Variants in BACH2 observed in about 807,000 individuals in gnomAD.
The protein encoded by BACH2 is BACH transcriptional regulator 2.
Under a neutral mutation model 61.8 loss-of-function variants are expected in BACH2, and 5 were observed. That is an observed-to-expected ratio of 0.08 (90% CI 0.04 to 0.17). The LOEUF (loss-of-function observed/expected upper bound fraction) is 0.17, where lower values mean the gene tolerates loss of function less well. Among genes scored for constraint, BACH2 ranks in the 10% least tolerant of loss-of-function variants. BACH2 has a pLI of 1.00. For missense variants in BACH2, 824 were observed against 1,091.1 expected (o/e 0.76, Z 3.45); for synonymous variants, 446 against 440.1 (o/e 1.01, Z -0.17).
At chr6:90,197,490 T>A (rs969757346) in intron 4 of BACH2, among the ~76,000 whole-genome samples, 1 of 152,230 alleles carries the variant, frequency 6.6e-6, no homozygotes, top group Non-Finnish European at 1.5e-5. Flanking sequence ...TAAGGCCTAC[T>A]AATTGACAGA....
chr6:90,270,430 G>A (rs1267444907), intron 2 of BACH2, among the ~76,000 whole-genome samples: 2 of 152,066 alleles, frequency 1.3e-5, no homozygotes, highest in Admixed American at 6.6e-5. Context: ...TACACCAACC[G>A]TGACCATGCT....
chr6:89,983,547 T>C (rs1643335553), intron 6 of BACH2, among the ~76,000 whole-genome samples: 1 of 152,102 alleles, frequency 6.6e-6, no homozygotes, highest in Admixed American at 6.5e-5. Flanking sequence ...CAGGCATCTG[T>C]AGTCCCAGCT....
At chr6:90,053,437 T>C (rs1423385900) in intron 5 of BACH2, among the ~76,000 whole-genome samples, 1 of 151,974 alleles carries the variant, frequency 6.6e-6, no homozygotes, top group African/African-American at 2.4e-5. Flanking sequence ...ACACCACCCA[T>C]TTGGCTAATT....
intron 3 of BACH2, among the ~76,000 whole-genome samples, chr6:90,210,744 TG>T (rs1769317817): frequency 6.6e-6 from 1 of 152,138 alleles, no homozygotes; most frequent in Non-Finnish European, 1.5e-5. Flanking sequence ...AAGGGTGCCT[TG>T]AGAAAGTTAA....
Position 89,947,142 on chromosome 6 carries a change from C to T in BACH2, c.1836+3128G>A, listed in dbSNP as rs115872632. ...TCTTGATTTCTGACTCTGGTGTCTC[C>T]GTGGGGTTCACTTGAAAGAGAAGGC... is the stretch of plus-strand genomic sequence containing the variant. On this transcript the variant is annotated intron_variant, in intron 7 of 8. Coordinates refer to ENST00000257749, the MANE Select transcript of BACH2 (RefSeq NM_021813.4). 1.6e-3 allele frequency among the ~76,000 whole-genome samples: 248 copies of T among 152,206 alleles called. 2 individuals carry two copies. The highest frequency in any genetic ancestry group is 5.8e-3 in the African/African-American group (241 of 41,536).
In BACH2 at chr6:90,015,113, T is replaced by C. The variant is rs990876674; in HGVS notation, c.-12-6257A>G. The stretch of plus-strand genomic sequence containing the variant: ...TAGTTTTTAAAAATATTCCTTCTAA[T>C]ATGGGTTGAATCTGTACTGATGCCA... On this transcript the variant is annotated intron_variant, in intron 5 of 8. Transcript: ENST00000257749. Among the ~76,000 whole-genome samples the C allele has an allele frequency of 2.0e-5, 3 of 152,298 alleles. 1 individual carries two copies.
intron 1 of BACH2, among the ~76,000 whole-genome samples, chr6:90,295,481 C>G (rs1772316453): frequency 6.6e-6 from 1 of 151,984 alleles, no homozygotes; most frequent in Non-Finnish European, 1.5e-5. Flanking sequence ...TAGGGTAGCC[C>G]GTGAGCGCCG....
intron 6 of BACH2, among the ~76,000 whole-genome samples, chr6:89,989,536 G>A (rs1776425502): frequency 6.6e-6 from 1 of 152,126 alleles, no homozygotes. Context: ...GCCAGAAAGG[G>A]AGTATCCTGG....
At chr6:90,177,359 T>C (rs759774685) in intron 4 of BACH2, among the ~76,000 whole-genome samples, 12 of 152,202 alleles carry the variant, frequency 7.9e-5, no homozygotes, top group Non-Finnish European at 1.5e-4. Context: ...CTATCATCTA[T>C]TGAGCACCTA....
chr6:90,049,847 A>T (rs372338083), intron 5 of BACH2, among the ~76,000 whole-genome samples: 2 of 152,240 alleles, frequency 1.3e-5, no homozygotes, highest in Non-Finnish European at 2.9e-5. Context: ...AAGGAAAAGC[A>T]TTTGTGGGAT....
At chr6:90,053,367 A>T (rs1450609232) in intron 5 of BACH2, among the ~76,000 whole-genome samples, 7 of 151,658 alleles carry the variant, frequency 4.6e-5, no homozygotes, top group African/African-American at 1.7e-4. Flanking sequence ...GCAGTCTTCA[A>T]CTCCTGTGCT....
intron 6 of BACH2, among the ~76,000 whole-genome samples, chr6:89,998,746 T>C (rs1169432879): frequency 6.6e-6 from 1 of 152,124 alleles, no homozygotes; most frequent in African/African-American, 2.4e-5. Context: ...GTATGATCCA[T>C]TTTATTAAAA....
At chr6:90,123,769 CAA>C (rs796903431) in intron 4 of BACH2, among the ~76,000 whole-genome samples, 5 of 33,984 alleles carry the variant, frequency 1.5e-4, no homozygotes, top group Non-Finnish European at 2.1e-4. Context: ...GACTCCGTCT[CAA>C]AAAAAAAAAA....
intron 5 of BACH2, among the ~76,000 whole-genome samples, chr6:90,053,336 G>C (rs1382007667): frequency 6.6e-6 from 1 of 152,052 alleles, no homozygotes; most frequent in Non-Finnish European, 1.5e-5. Context: ...CTGGAGTACA[G>C]TGGTGTGATC....
intron 4 of BACH2, among the ~76,000 whole-genome samples, chr6:90,103,758 C>T (rs1020004012): frequency 5.9e-5 from 9 of 152,116 alleles, no homozygotes; most frequent in Admixed American, 5.2e-4. Flanking sequence ...AGATTTCATG[C>T]TTTTCTGTCA....
chr6:89,930,168 C>CACA lies in BACH2; in HGVS notation c.*2239_*2240insTGT, dbSNP rs1339397532. 9.0e-6 allele frequency: 1 copy of CACA among 111,014 alleles called. No individual in the cohort carries two copies. The highest frequency in any genetic ancestry group is 3.4e-5 in the African/African-American group (1 of 29,622). 6.9% of individuals were successfully genotyped at this position (111,014 alleles called of 1,614,324 possible). The stretch of plus-strand genomic sequence containing the variant: ...ACACACACACACACACACACACAAA[C>CACA]AAGAAAAAACAAAAACCCAGAGGCA... On this transcript the variant is annotated 3_prime_UTR_variant, in exon 9 of 9. Transcript: ENST00000257749.
intron 5 of BACH2, among the ~76,000 whole-genome samples, chr6:90,065,978 A>C (rs1368838816): frequency 6.6e-6 from 1 of 152,216 alleles, no homozygotes; most frequent in African/African-American, 2.4e-5. Context: ...GCATTTCATA[A>C]AGAATGGGTA....
intron 3 of BACH2, among the ~76,000 whole-genome samples, chr6:90,241,749 A>AT (rs1386261631): frequency 6.6e-6 from 1 of 151,996 alleles, no homozygotes; most frequent in African/African-American, 2.4e-5. Context: ...CAAACTGCTT[A>AT]TTTTTTTAAC....
intron 7 of BACH2, among the ~76,000 whole-genome samples, chr6:89,940,556 G>C (rs1323379001): frequency 6.6e-6 from 1 of 152,170 alleles, no homozygotes; most frequent in Non-Finnish European, 1.5e-5. Flanking sequence ...GTGCTGCCAG[G>C]CTAAGAGACA....
Sources: gnomAD v4.1 joint callset for allele counts (sites outside exome capture counted in the v4.1 genomes callset) on GRCh38, gnomAD v4.1.1 for gene constraint, MANE v1.5 for transcripts, NCBI Gene and HGNC (gene_info 2026-07-23, HGNC 2026-07-21) for gene names.